Variants in FSTL5 observed in about 807,000 individuals in gnomAD.
FSTL5 encodes follistatin like 5.
Under a neutral mutation model 89.1 loss-of-function variants are expected in FSTL5, and 62 were observed. The ratio of observed to expected loss-of-function variants is 0.70; its 90% CI spans 0.57 to 0.86. The LOEUF (loss-of-function observed/expected upper bound fraction) is 0.86. Among genes scored for constraint, FSTL5 ranks in the 40% least tolerant of loss-of-function variants. The probability of loss-of-function intolerance (pLI) is 0.00; values close to 1 mark genes in which losing one functional copy is unlikely to be tolerated. For synonymous variants in FSTL5, 383 were observed against 346.2 expected, an observed-to-expected ratio of 1.11 and a Z score of -1.18; for missense variants, 1,057 against 1,001.6, an observed-to-expected ratio of 1.06 and a Z score of -0.75.
chr4:161,945,181 C>G (rs1444906597), intron 3 of FSTL5, among the ~76,000 whole-genome samples: 3 of 152,170 alleles, frequency 2.0e-5, no homozygotes, highest in Non-Finnish European at 4.4e-5. Flanking sequence ...TCCTCCTGCT[C>G]TCTTCTTCCA....
rs545885906 is a variant in FSTL5 at position 161,771,818 on chromosome 4, T to G, written c.606+4060A>C. ...GCTCACGCCTGTGATCCTCACACTT[T>G]GGGAGTTTAAAATTTCACTTTGATA... is the stretch of plus-strand genomic sequence containing the variant. On this transcript the variant is annotated intron_variant, in intron 5 of 15. Coordinates refer to ENST00000306100, the MANE Select transcript of FSTL5 (RefSeq NM_020116.5). Among the ~76,000 whole-genome samples, 3 of 152,282 alleles carry G rather than the reference T, an allele frequency of 2.0e-5. No individual in the cohort carries two copies. In the East Asian group the frequency reaches 5.8e-4, roughly 29 times the overall value.
intron 2 of FSTL5, among the ~76,000 whole-genome samples, chr4:162,109,092 C>A (rs1031354807): frequency 1.3e-5 from 2 of 152,010 alleles, no homozygotes; most frequent in East Asian, 3.9e-4. Flanking sequence ...TAAGGTCTCA[C>A]CAATAATGCG....
At chr4:162,013,890 C>A (rs1192418048) in intron 3 of FSTL5, among the ~76,000 whole-genome samples, 1 of 151,858 alleles carries the variant, frequency 6.6e-6, no homozygotes. Context: ...AAGCCTTAAG[C>A]AAAAGTGCAT....
intron 15 of FSTL5, among the ~76,000 whole-genome samples, chr4:161,402,080 T>A (rs938553744): frequency 2.6e-5 from 4 of 152,272 alleles, no homozygotes; most frequent in Middle Eastern, 3.4e-3. Flanking sequence ...TAAATGTAGA[T>A]GAAAGGCACA....
intron 4 of FSTL5, among the ~76,000 whole-genome samples, chr4:161,855,069 T>A (rs1198608663): frequency 2.0e-5 from 3 of 151,844 alleles, no homozygotes; most frequent in Non-Finnish European, 4.4e-5. Flanking sequence ...TTCTACAGTT[T>A]GGAAACAAAG....
chr4:161,895,914 G>A (rs1733144027), intron 4 of FSTL5, among the ~76,000 whole-genome samples: 1 of 151,988 alleles, frequency 6.6e-6, no homozygotes, highest in Non-Finnish European at 1.5e-5. Flanking sequence ...ATATAGGGGG[G>A]CATATCTACT....
At chr4:161,807,695 G>T (rs1730011752) in intron 4 of FSTL5, among the ~76,000 whole-genome samples, 1 of 152,124 alleles carries the variant, frequency 6.6e-6, no homozygotes, top group Admixed American at 6.5e-5. Context: ...AAATATAAAT[G>T]ATTGATTGGA....
At chr4:161,720,047 C>G (rs910644439) in intron 6 of FSTL5, among the ~76,000 whole-genome samples, 1 of 151,886 alleles carries the variant, frequency 6.6e-6, no homozygotes, top group Non-Finnish European at 1.5e-5. Flanking sequence ...CAACAATAGA[C>G]AAGTGGAATT....
chr4:161,480,975 TA>T (rs1391972563), intron 13 of FSTL5, 44 bp downstream of exon 13: 1 of 1,340,524 alleles, frequency 7.5e-7, no homozygotes, highest in African/African-American at 1.5e-5. Flanking sequence ...ATGATATAAA[TA>T]TTTTTTAAAG....
chr4:161,572,052 G>C (rs1733034083), intron 8 of FSTL5, among the ~76,000 whole-genome samples: 1 of 152,056 alleles, frequency 6.6e-6, no homozygotes. Flanking sequence ...GCTCGCACCT[G>C]TAATTCCAGC....
At chr4:161,665,196 T>A (rs1006304943) in intron 6 of FSTL5, among the ~76,000 whole-genome samples, 2 of 152,142 alleles carry the variant, frequency 1.3e-5, no homozygotes, top group Admixed American at 1.3e-4. Context: ...TTGTTTTGTT[T>A]TTGTTTTTGT....
chr4:162,021,653 G>A (rs149118135), intron 3 of FSTL5, among the ~76,000 whole-genome samples: 5 of 152,228 alleles, frequency 3.3e-5, no homozygotes, highest in African/African-American at 9.6e-5. Flanking sequence ...GATGGAATTG[G>A]AGGTCATTAT....
At chr4:161,701,241 G>A (rs17595819) in intron 6 of FSTL5, among the ~76,000 whole-genome samples, 10,528 of 152,078 alleles carry the variant, frequency 0.069, 473 homozygotes, top group East Asian at 0.21. Context: ...AATTTGATGC[G>A]TTTTGACGCA....
At chr4:161,534,680 C>T (rs1731532643) in intron 10 of FSTL5, among the ~76,000 whole-genome samples, 1 of 152,084 alleles carries the variant, frequency 6.6e-6, no homozygotes, top group South Asian at 2.1e-4. Flanking sequence ...AAAGATGTCC[C>T]TACCAAAATA....
chr4:161,722,625 T>C (rs571049064), intron 6 of FSTL5, among the ~76,000 whole-genome samples: 30 of 152,222 alleles, frequency 2.0e-4, no homozygotes, highest in Non-Finnish European at 2.9e-4. Context: ...TCTATCTATA[T>C]GCAGAACTAA....
At chr4:161,759,330 G>C in intron 6 of FSTL5, 81 bp downstream of exon 6, 1 of 1,286,684 alleles carries the variant, frequency 7.8e-7, no homozygotes, top group South Asian at 1.6e-5. Context: ...CTTGTACTAT[G>C]AGAGCAAGCA....
At chr4:162,126,598 G>C (rs1732089907) in intron 1 of FSTL5, among the ~76,000 whole-genome samples, 1 of 151,882 alleles carries the variant, frequency 6.6e-6, no homozygotes, top group Non-Finnish European at 1.5e-5. Flanking sequence ...AATCTAATGT[G>C]TAGCCTCTCC....
intron 4 of FSTL5, among the ~76,000 whole-genome samples, chr4:161,846,702 G>A (rs1216282926): frequency 5.3e-5 from 8 of 151,996 alleles, no homozygotes; most frequent in Non-Finnish European, 1.5e-5. Flanking sequence ...AGAAAATTGA[G>A]GCACTGGGAG....
At chr4:161,493,386 T>A (rs1318465023) in intron 12 of FSTL5, among the ~76,000 whole-genome samples, 2 of 151,770 alleles carry the variant, frequency 1.3e-5, no homozygotes, top group Non-Finnish European at 2.9e-5. Flanking sequence ...ATTGATTGTA[T>A]GAGCTGGAAC....
Sources: gnomAD v4.1 joint callset for allele counts (sites outside exome capture counted in the v4.1 genomes callset) on GRCh38, gnomAD v4.1.1 for gene constraint, MANE v1.5 for transcripts, NCBI Gene and HGNC (gene_info 2026-07-23, HGNC 2026-07-21) for gene names.